The following ADAMTS3 variants were observed in gnomAD, a reference collection of about 807,000 sequenced individuals.
ADAMTS3 encodes the protein A disintegrin and metalloproteinase with thrombospondin motifs 3.
A neutral mutation model predicts 129.0 loss-of-function variants in ADAMTS3; 73 were observed. The observed-to-expected ratio is 0.57, with a 90% CI of 0.47 to 0.69. ADAMTS3 has a LOEUF of 0.69. Ranked by LOEUF, ADAMTS3 falls within the 30% of genes least tolerant of loss-of-function variation. The pLI, the probability that ADAMTS3 is intolerant of heterozygous loss-of-function variation, is 0.00. For synonymous variants in ADAMTS3, 477 were observed against 510.8 expected (o/e 0.93, Z 0.89); for missense variants, 1,457 against 1,514.5 (o/e 0.96, Z 0.63).
At chr4:72,378,213 A>G (rs963226922) in intron 4 of ADAMTS3, among the ~76,000 whole-genome samples, 2 of 152,188 alleles carry the variant, frequency 1.3e-5, no homozygotes, top group Non-Finnish European at 2.9e-5. Context: ...CCTTAACTGC[A>G]ACTATAAAAC....
chr4:72,281,568 T>C lies in ADAMTS3; in HGVS notation c.*1568A>G, dbSNP rs1398040055. ...TTCACAATTTCATTGAACAGCTAGC[T>C]GAGTCCATACAATTTAATGTTTCCT... On this transcript the variant is annotated 3_prime_UTR_variant, in exon 22 of 22. Coordinates refer to ENST00000286657, the MANE Select transcript of ADAMTS3 (RefSeq NM_014243.3). The C allele has an allele frequency of 1.3e-5, 2 of 152,216 alleles. No individual in the cohort carries two copies. Among genetic ancestry groups the C allele is most frequent in the Non-Finnish European group, 2.9e-5 (2 of 68,040 alleles). The allele number at this position is 152,216 out of a possible 1,614,324, so 9.4% of individuals were successfully genotyped here.
chr4:72,485,343 G>C (rs1056380612), intron 3 of ADAMTS3, among the ~76,000 whole-genome samples: 2 of 152,092 alleles, frequency 1.3e-5, no homozygotes, highest in Non-Finnish European at 2.9e-5. Context: ...TTGTAGTTTA[G>C]ACTGGAGTTC....
At chr4:72,310,998 A>C in intron 14 of ADAMTS3, 50 bp downstream of exon 14, 4 of 1,490,386 alleles carry the variant, frequency 2.7e-6, no homozygotes, top group Non-Finnish European at 3.6e-6. Context: ...GATGAATGAC[A>C]GTAAACGTAG....
intron 5 of ADAMTS3, among the ~76,000 whole-genome samples, chr4:72,330,999 A>G (rs1291302074): frequency 2.6e-5 from 4 of 152,212 alleles, no homozygotes; most frequent in African/African-American, 9.6e-5. Context: ...AAGGAAGGAT[A>G]AGGTCAGTCT....
In ADAMTS3 at chr4:72,414,823, T is replaced by C; in HGVS notation, c.653A>G (p.His218Arg). 1 of 1,468,548 alleles carries C rather than the reference T, an allele frequency of 6.8e-7. No individual in the cohort carries two copies. 91.0% of individuals were successfully genotyped at this position (1,468,548 alleles called of 1,614,324 possible). A position where few individuals can be genotyped will look rare whatever the true frequency, so the allele number is the denominator to read the frequency against. ...QAPIDMSKDF[H>R]YRESDLEGLD... is the part of the protein sequence containing the mutation. ...TTTGTCAAGACGCCTACCTCTGTAG[T>C]GGAAGTCTTTGGACATGTCTATGGG... The change falls in exon 4 of 22, where the codon CAC becomes CGC. Residue 218 changes from histidine to arginine, a missense_variant. By Grantham distance (29) the His-to-Arg change is conservative. Coordinates refer to ENST00000286657, the MANE Select transcript of ADAMTS3 (RefSeq NM_014243.3).
intron 2 of ADAMTS3, among the ~76,000 whole-genome samples, chr4:72,556,809 A>G (rs542454116): frequency 6.6e-6 from 1 of 152,002 alleles, no homozygotes; most frequent in East Asian, 1.9e-4. Flanking sequence ...TAACACTTTA[A>G]TAAATGAAAA....
At chr4:72,478,277 G>C (rs1228176131) in intron 3 of ADAMTS3, among the ~76,000 whole-genome samples, 2 of 151,778 alleles carry the variant, frequency 1.3e-5, no homozygotes, top group Non-Finnish European at 2.9e-5. Flanking sequence ...GATGAACATT[G>C]ATGCAAAAAT....
intron 3 of ADAMTS3, among the ~76,000 whole-genome samples, chr4:72,507,876 A>C (rs549543776): frequency 2.6e-5 from 4 of 152,316 alleles, no homozygotes; most frequent in African/African-American, 9.6e-5. Flanking sequence ...TACACAGTCA[A>C]ATGTCCTTTT....
chr4:72,415,380 A>C (rs1722279116), intron 3 of ADAMTS3, among the ~76,000 whole-genome samples: 2 of 152,038 alleles, frequency 1.3e-5, no homozygotes, highest in Admixed American at 1.3e-4. Flanking sequence ...GCAGTGGTCC[A>C]AACGTTACAT....
chr4:72,329,571 C>T (rs571985572), intron 5 of ADAMTS3, among the ~76,000 whole-genome samples: 327 of 152,212 alleles, frequency 2.1e-3, no homozygotes, highest in Admixed American at 3.3e-3. Context: ...GTTCTCTTTT[C>T]GCAAATACCT....
At chr4:72,394,840 G>A (rs1191364521) in intron 4 of ADAMTS3, among the ~76,000 whole-genome samples, 1 of 151,784 alleles carries the variant, frequency 6.6e-6, no homozygotes, top group Non-Finnish European at 1.5e-5. Flanking sequence ...GATACTAAAT[G>A]TCCAGTAGTT....
At position 72,367,207 on chromosome 4, in the gene ADAMTS3, C is replaced by CT. The variant is rs574704430; in HGVS notation, c.662-27515dup. 6.6e-5 allele frequency among the ~76,000 whole-genome samples: 10 copies of CT among 152,106 alleles called. No homozygotes were observed. The East Asian group carries it at 1.9e-3, about 29-fold the overall frequency. ...GATACTTCTCTAAATTTGATAAATT[C>CT]TTTTTAGGCCACCAAAGCATTTTTT... On this transcript the variant is annotated intron_variant, in intron 4 of 21. Transcript: ENST00000286657.
chr4:72,347,158 G>A (rs1203263356), intron 4 of ADAMTS3, among the ~76,000 whole-genome samples: 2 of 151,972 alleles, frequency 1.3e-5, no homozygotes, highest in Admixed American at 6.6e-5. Context: ...TACTAATAGA[G>A]AATAGACTAC....
At chr4:72,294,394 T>C (rs1487931024) in intron 19 of ADAMTS3, among the ~76,000 whole-genome samples, 1 of 152,032 alleles carries the variant, frequency 6.6e-6, no homozygotes, top group Non-Finnish European at 1.5e-5. Context: ...GCATAGTGTC[T>C]ATGGTTAATA....
At chr4:72,362,909 A>G (rs1226464260) in intron 4 of ADAMTS3, among the ~76,000 whole-genome samples, 1 of 152,178 alleles carries the variant, frequency 6.6e-6, no homozygotes, top group Non-Finnish European at 1.5e-5. Context: ...GAGAAAAAAG[A>G]TACTACACTA....
chr4:72,358,004 A>G (rs992884640), intron 4 of ADAMTS3, among the ~76,000 whole-genome samples: 5 of 151,972 alleles, frequency 3.3e-5, no homozygotes, highest in Admixed American at 6.6e-5. Context: ...AGCCTCCCAC[A>G]AAGACTGCCT....
intron 4 of ADAMTS3, 90 bp downstream of exon 4, chr4:72,414,725 T>C (rs1315191760): frequency 4.3e-5 from 43 of 1,002,620 alleles, no homozygotes; most frequent in Non-Finnish European, 5.6e-5. Flanking sequence ...CAAGAGAACA[T>C]GGCAATCACA....
At chr4:72,338,475 C>G (rs1273599678) in intron 5 of ADAMTS3, among the ~76,000 whole-genome samples, 5 of 152,082 alleles carry the variant, frequency 3.3e-5, no homozygotes, top group Non-Finnish European at 7.4e-5. Flanking sequence ...TTATAAATTG[C>G]TATCTCAATA....
At chr4:72,302,728 C>G (rs1489711484) in intron 17 of ADAMTS3, among the ~76,000 whole-genome samples, 1 of 151,992 alleles carries the variant, frequency 6.6e-6, no homozygotes, top group East Asian at 1.9e-4. Flanking sequence ...GCTAAACCAA[C>G]AAGACAAAAC....
Sources: gnomAD v4.1 joint callset for allele counts (sites outside exome capture counted in the v4.1 genomes callset) on GRCh38, gnomAD v4.1.1 for gene constraint, MANE v1.5 for transcripts, NCBI Gene and HGNC (gene_info 2026-07-23, HGNC 2026-07-21) for gene names.